Variants in BRIP1 observed in about 807,000 individuals in gnomAD.
The protein encoded by BRIP1 is BRCA1 interacting DNA helicase 1.
A neutral mutation model predicts 119.7 loss-of-function variants in BRIP1; 88 were observed. That is an observed-to-expected ratio of 0.74 (90% CI 0.62 to 0.88). BRIP1 has a LOEUF of 0.88. BRIP1 is among the 40% of genes least tolerant of loss of function. The pLI, the probability that BRIP1 is intolerant of heterozygous loss-of-function variation, is 0.00. For synonymous variants in BRIP1, 443 were observed against 496.5 expected (o/e 0.89, Z 1.43); for missense variants, 1,259 against 1,455.4 (o/e 0.87, Z 2.20).
chr17:61,685,763 C>G, intron 19 of BRIP1, 73 bp downstream of exon 19: 1 of 1,315,436 alleles, frequency 7.6e-7, no homozygotes, highest in Non-Finnish European at 1.1e-6. Flanking sequence ...AATCTATACC[C>G]AAATAAATAT....
intron 6 of BRIP1, among the ~76,000 whole-genome samples, chr17:61,826,357 A>C (rs1278992256): frequency 2.0e-5 from 3 of 152,228 alleles, no homozygotes; most frequent in Non-Finnish European, 4.4e-5. Context: ...TGATGAAGAC[A>C]ACAGAAGCAA....
rs367614726 is a variant in BRIP1, at chr17:61,847,110, C to A, written c.618G>T (p.Ser206=). Residue 206 remains serine, a synonymous_variant, in exon 6 of 20, where the codon TCG becomes TCT. Transcript: ENST00000259008. ...TGGCATTAATACATACTTTCTGTGG[C>A]GAAAAGGAGTTTATCTTTTCCAGTG... ...NSPLEKINSF[S]PQKPPGHCSR... 4.3e-6 allele frequency: 7 copies of A among 1,613,646 alleles called. No homozygotes were observed. The highest frequency in any genetic ancestry group is 5.9e-6 in the Non-Finnish European group (7 of 1,179,854).
rs2078976206 is a variant in BRIP1, at chr17:61,861,685, A to C, written c.-30-116T>G. On this transcript the variant is annotated intron_variant, in intron 1 of 19. Transcript: ENST00000259008. This position sits in a 1 kb window ranked among gnomAD's most constrained non-coding sequence, Gnocchi z 4.5. ...ACTGGAATTAATAAAAGTATAAACA[A>C]AACAAATGGAAACAAAATAATTTCC... The C allele has an allele frequency of 7.5e-6, 5 of 669,662 alleles. No individual in the cohort carries two copies. In the Admixed American group the frequency reaches 1.2e-4, roughly 16 times the overall value. 41.5% of individuals were successfully genotyped at this position (669,662 alleles called of 1,614,324 possible).
At chr17:61,820,949 TA>T (rs779314068) in intron 6 of BRIP1, among the ~76,000 whole-genome samples, 86 of 143,890 alleles carry the variant, frequency 6.0e-4, no homozygotes, top group Non-Finnish European at 5.4e-4. Context: ...GACTCTGTCT[TA>T]AAAAAAAAAA....
At chr17:61,826,172 TG>T (rs2078404278) in intron 6 of BRIP1, among the ~76,000 whole-genome samples, 1 of 152,154 alleles carries the variant, frequency 6.6e-6, no homozygotes, top group Non-Finnish European at 1.5e-5. Flanking sequence ...ATTCAGTAAA[TG>T]GTGCTGGGAT....
Position 61,816,525 on chromosome 17 carries a change from A to C in BRIP1, c.628-7768T>G, listed in dbSNP as rs187562031. The stretch of plus-strand genomic sequence containing the variant: ...GCCTAGTGTAAATGGGAATTCCTTA[A>C]CACAGTTGCTCCAGTTTCTGAAAAG... On this transcript the variant is annotated intron_variant, in intron 6 of 19. Transcript: ENST00000259008. This position sits in a 1 kb window ranked among gnomAD's most constrained non-coding sequence, Gnocchi z 5.0. 3.7e-4 allele frequency among the ~76,000 whole-genome samples: 56 copies of C among 152,306 alleles called. No individual in the cohort carries two copies. The highest frequency in any genetic ancestry group is 3.4e-3 in the Middle Eastern group (1 of 294).
chr17:61,776,546 A>G lies in BRIP1; in HGVS notation c.1952T>C (p.Ile651Thr), dbSNP rs757305097. ...IKNSQVWVGTIGSGPKGRNLC... is the reference protein window; with the variant it reads ...IKNSQVWVGTTGSGPKGRNLC... ...ATTCCGACCCTTGGGGCCTGACCCA[A>G]TGGTACCAACCCAAACCTAGAATAT... Residue 651 changes from isoleucine (I) to threonine (T), a missense_variant, in exon 14 of 20, where the codon ATT becomes ACT. Ile to Thr is a moderately conservative substitution (Grantham distance 89). Coordinates refer to ENST00000259008, the MANE Select transcript of BRIP1 (RefSeq NM_032043.3). The surrounding 1 kb of genome is among the most constrained non-coding windows in gnomAD (Gnocchi z 5.0). 4 of 1,614,166 alleles carry G rather than the reference A, an allele frequency of 2.5e-6. No individual in the cohort carries two copies. Among genetic ancestry groups the G allele is most frequent in the East Asian group, 2.2e-5 (1 of 44,874 alleles).
intron 16 of BRIP1, among the ~76,000 whole-genome samples, chr17:61,721,677 G>A (rs1418414977): frequency 1.4e-5 from 2 of 145,384 alleles, no homozygotes; most frequent in Non-Finnish European, 3.0e-5. Flanking sequence ...GACATATAAA[G>A]GACATAGACT....
At chr17:61,784,781 T>C (rs936850235) in intron 10 of BRIP1, among the ~76,000 whole-genome samples, 6 of 152,194 alleles carry the variant, frequency 3.9e-5, no homozygotes, top group African/African-American at 1.4e-4. Context: ...TCTTGCCATA[T>C]GATCTGTACA....
rs2061484712 is a variant in BRIP1, at chr17:61,693,790, T to C, written c.2493-278A>G. 6.6e-6 allele frequency among the ~76,000 whole-genome samples: 1 copy of C among 152,150 alleles called. No individual in the cohort carries two copies. Among genetic ancestry groups the C allele is most frequent in the Non-Finnish European group, 1.5e-5 (1 of 67,998 alleles). ...TAGAAAATATATTCTAAGATCTTTC[T>C]TAGCCACATAGACTGTTTTCTTTTT... On this transcript the variant is annotated intron_variant, in intron 17 of 19. Coordinates refer to ENST00000259008, the MANE Select transcript of BRIP1 (RefSeq NM_032043.3). This position sits in a 1 kb window ranked among gnomAD's most constrained non-coding sequence, Gnocchi z 4.2.
intron 14 of BRIP1, among the ~76,000 whole-genome samples, chr17:61,773,506 G>A (rs1388475731): frequency 6.6e-6 from 1 of 152,094 alleles, no homozygotes; most frequent in African/African-American, 2.4e-5. Flanking sequence ...CATGGGCAAG[G>A]ACTTCATGAC....
chr17:61,749,025 T>G lies in BRIP1; in HGVS notation c.2098-4434A>C, dbSNP rs996247349. 2.6e-5 allele frequency among the ~76,000 whole-genome samples: 4 copies of G among 151,734 alleles called. 1 individual carries two copies. The highest frequency in any genetic ancestry group is 2.6e-4 in the Admixed American group (4 of 15,244). ...GGTGGCGCACGCCTGTAGTCCCAGCTACTCGGGAGGCTGAGGCAAGAGAAT... is the reference window on the plus strand; with the variant it reads ...GGTGGCGCACGCCTGTAGTCCCAGCGACTCGGGAGGCTGAGGCAAGAGAAT... On this transcript the variant is annotated intron_variant, in intron 14 of 19. Coordinates refer to ENST00000259008, the MANE Select transcript of BRIP1 (RefSeq NM_032043.3).
Position 61,780,460 on chromosome 17 carries a change from G to C in BRIP1, c.1795-59C>G. On this transcript the variant is annotated intron_variant, in intron 12 of 19. Coordinates refer to ENST00000259008, the MANE Select transcript of BRIP1 (RefSeq NM_032043.3). This position sits in a 1 kb window ranked among gnomAD's most constrained non-coding sequence, Gnocchi z 5.4. Reference sequence around the variant, plus strand: ...TCTTTAGAAGAGGCTGGGCAAAGTGGCTCACACCTGTAATCCCAGCACTTT... The same window carrying C: ...TCTTTAGAAGAGGCTGGGCAAAGTGCCTCACACCTGTAATCCCAGCACTTT... 7.0e-7 allele frequency: 1 copy of C among 1,437,704 alleles called. No individual in the cohort carries two copies. Among genetic ancestry groups the C allele is most frequent in the Non-Finnish European group, 9.8e-7 (1 of 1,023,244 alleles). 89.1% of individuals were successfully genotyped at this position (1,437,704 alleles called of 1,614,324 possible). A position where few individuals can be genotyped will look rare whatever the true frequency, so the allele number is the denominator to read the frequency against.
chr17:61,754,765 C>T lies in BRIP1; in HGVS notation c.2098-10174G>A, dbSNP rs139573832. Among the ~76,000 whole-genome samples, 3 of 152,204 alleles carry T rather than the reference C, an allele frequency of 2.0e-5. No homozygotes were observed. The East Asian group carries it at 5.8e-4, about 29-fold the overall frequency. On this transcript the variant is annotated intron_variant, in intron 14 of 19. Transcript: ENST00000259008. The surrounding 1 kb of genome is among the most constrained non-coding windows in gnomAD (Gnocchi z 4.1). ...CTTGCAGACAGCCACCTTCTGTGTC[C>T]TCACATGGCCTTTCCTCTCTATTCA... is the stretch of plus-strand genomic sequence containing the variant.
rs2077514458 is a variant in BRIP1 at position 61,775,143 on chromosome 17, G to A, written c.2097+1258C>T. Among the ~76,000 whole-genome samples the A allele has an allele frequency of 6.6e-6, 1 of 152,116 alleles. No homozygotes were observed. The highest frequency in any genetic ancestry group is 2.4e-5 in the African/African-American group (1 of 41,436). On this transcript the variant is annotated intron_variant, in intron 14 of 19. Transcript: ENST00000259008. This position sits in a 1 kb window ranked among gnomAD's most constrained non-coding sequence, Gnocchi z 4.4. Reference sequence around the variant, plus strand: ...CAACTCCCTACAAGTTTTATTGTATGACTTAGTATCAAGCTTAATTACTAG... The same window carrying A: ...CAACTCCCTACAAGTTTTATTGTATAACTTAGTATCAAGCTTAATTACTAG...
rs12603878 is a variant in BRIP1 at position 61,856,635 on chromosome 17, A to C, written c.379+423T>G. Reference sequence around the variant, plus strand: ...AATTATTTAAAGATCACACATAAACATACCTGATACTTATGTAGGATACTG... The same window carrying C: ...AATTATTTAAAGATCACACATAAACCTACCTGATACTTATGTAGGATACTG... On this transcript the variant is annotated intron_variant, in intron 4 of 19. Transcript: ENST00000259008. The surrounding 1 kb of genome is among the most constrained non-coding windows in gnomAD (Gnocchi z 5.1). 0.066 allele frequency among the ~76,000 whole-genome samples: 10,045 copies of C among 152,256 alleles called. 581 individuals are homozygous for C. Among genetic ancestry groups the C allele is most frequent in the South Asian group, 0.3 (1,435 of 4,828 alleles).
chr17:61,844,167 A>C lies in BRIP1; in HGVS notation c.627+2934T>G, dbSNP rs561582561. Among the ~76,000 whole-genome samples, 237 of 152,168 alleles carry C rather than the reference A, an allele frequency of 1.6e-3. No homozygotes were observed. Among genetic ancestry groups the C allele is most frequent in the African/African-American group, 5.5e-3 (229 of 41,550 alleles). ...TGGTCTTGAACTCCTGACCTCAAGC[A>C]ATCCTCTCACCTTGGCCTCCCAAAG... On this transcript the variant is annotated intron_variant, in intron 6 of 19. Coordinates refer to ENST00000259008, the MANE Select transcript of BRIP1 (RefSeq NM_032043.3). The surrounding 1 kb of genome is among the most constrained non-coding windows in gnomAD (Gnocchi z 4.7).
chr17:61,683,566 G>C lies in BRIP1; in HGVS notation c.3480C>G (p.Asn1160Lys). ...CTTTAGCTAAAATGCAATCTGAATT[G>C]TTAGCCAATCTATTTCCTCTATCAG... Reference protein sequence around the residue: ...AETDRGNRLANNSDCILAKDL... With the variant: ...AETDRGNRLAKNSDCILAKDL... The change falls in exon 20 of 20, where the codon AAC becomes AAG. Residue 1160 changes from asparagine to lysine, a missense_variant. Transcript: ENST00000259008. This position sits in a 1 kb window ranked among gnomAD's most constrained non-coding sequence, Gnocchi z 4.7. The C allele has an allele frequency of 1.2e-6, 2 of 1,612,842 alleles. No individual in the cohort carries two copies. Among genetic ancestry groups the C allele is most frequent in the Non-Finnish European group, 1.7e-6 (2 of 1,179,970 alleles).
chr17:61,697,476 T>C (rs1393208395), intron 17 of BRIP1, among the ~76,000 whole-genome samples: 2 of 151,852 alleles, frequency 1.3e-5, no homozygotes, highest in African/African-American at 4.8e-5. Flanking sequence ...GAAGGTATTC[T>C]CTTATAATCC....
Sources: allele counts gnomAD v4.1 joint callset (sites outside exome capture counted in the v4.1 genomes callset), GRCh38; gene constraint gnomAD v4.1.1; non-coding constraint Gnocchi (gnomAD v3.1); transcripts MANE v1.5; gene names NCBI Gene and HGNC (gene_info 2026-07-23, HGNC 2026-07-21).